The following PACS2 variants were observed in gnomAD, a reference collection of about 807,000 sequenced individuals.
PACS2 encodes phosphofurin acidic cluster sorting protein 2, also known as PACS1-like protein.
PACS2 carries 36 observed loss-of-function variants against 113.0 expected under a neutral mutation model. That is an observed-to-expected ratio of 0.32 (90% CI 0.24 to 0.42). The LOEUF is 0.42. PACS2 is among the 10% of genes least tolerant of loss of function. PACS2 has a pLI of 1.00. For missense variants in PACS2, 1,015 were observed against 1,239.5 expected, an observed-to-expected ratio of 0.82 and a Z score of 2.72; for synonymous variants, 589 against 536.1, an observed-to-expected ratio of 1.10 and a Z score of -1.36.
chr14:105,345,156 C>G (rs868953209), intron 1 of PACS2, among the ~76,000 whole-genome samples: 24 of 151,310 alleles, frequency 1.6e-4, no homozygotes, highest in African/African-American at 5.1e-4. Flanking sequence ...GCCTGTAATC[C>G]CAGCACTTTG....
chr14:105,393,654 A>G (rs146431380), intron 24 of PACS2: 2 of 229,164 alleles, frequency 8.7e-6, no homozygotes, highest in African/African-American at 4.9e-5. Flanking sequence ...CAATGGTGTG[A>G]TCTCAGCTCA....
rs1413626778 is a variant in PACS2, at chr14:105,330,708, TTTCTC to T, written c.119+15672_119+15676del. On this transcript the variant is annotated intron_variant, in intron 1 of 24. Transcript: ENST00000447393. The surrounding 1 kb of genome is among the most constrained non-coding windows in gnomAD (Gnocchi z 6.9). ...CCCAACACCCACGCATTTCCTGTCTTTTCTCAGGCAATCGCCATGGTACCCAGGGC... is the reference window on the plus strand; with the variant it reads ...CCCAACACCCACGCATTTCCTGTCTTAGGCAATCGCCATGGTACCCAGGGC... 2.0e-5 allele frequency among the ~76,000 whole-genome samples: 3 copies of T among 152,224 alleles called. No individual in the cohort carries two copies. Among genetic ancestry groups the T allele is most frequent in the African/African-American group, 4.8e-5 (2 of 41,440 alleles).
At chr14:105,379,410 G>A (rs938119315) in intron 9 of PACS2, among the ~76,000 whole-genome samples, 4 of 152,326 alleles carry the variant, frequency 2.6e-5, no homozygotes, top group South Asian at 2.1e-4. Context: ...GAGCCCCTTC[G>A]TGTTTGTGGC....
chr14:105,382,211 C>T (rs912019458), intron 13 of PACS2, among the ~76,000 whole-genome samples, 153 bp downstream of exon 13: 12 of 152,196 alleles, frequency 7.9e-5, no homozygotes, highest in South Asian at 2.1e-4. Flanking sequence ...CACAGCAGGG[C>T]GGGCGGGCCA....
intron 8 of PACS2, among the ~76,000 whole-genome samples, chr14:105,375,419 A>G (rs1319193327): frequency 2.0e-5 from 3 of 147,052 alleles, no homozygotes; most frequent in Non-Finnish European, 3.0e-5. Flanking sequence ...CGGAGCTTGC[A>G]GTGAGCCGAG....
At position 105,379,731 on chromosome 14, in the gene PACS2, T is replaced by A; in HGVS notation, c.960-8T>A. Reference sequence around the variant, plus strand: ...TAACGTGTCCCCCACCCCTGTTCCCTGAGCCAGGCCATACTTTGAAGGCCT... The same window carrying A: ...TAACGTGTCCCCCACCCCTGTTCCCAGAGCCAGGCCATACTTTGAAGGCCT... On this transcript the variant is annotated splice_region_variant and splice_polypyrimidine_tract_variant and intron_variant, in intron 9 of 24. Transcript: ENST00000447393. The A allele has an allele frequency of 6.2e-7, 1 of 1,612,686 alleles. No individual in the cohort carries two copies.
intron 8 of PACS2, chr14:105,372,019 C>T (rs1379645486): frequency 6.6e-6 from 1 of 152,258 alleles, no homozygotes; most frequent in Non-Finnish European, 1.5e-5. Flanking sequence ...AGAGGCCCCA[C>T]TTCCTAATTC....
chr14:105,335,379 C>T (rs944221612), intron 1 of PACS2, among the ~76,000 whole-genome samples: 5 of 146,480 alleles, frequency 3.4e-5, no homozygotes, highest in African/African-American at 1.3e-4. Flanking sequence ...CGGCGCCTGG[C>T]GTGGCTCTGA....
At chr14:105,380,406 C>G (rs587654861) in intron 11 of PACS2, among the ~76,000 whole-genome samples, 1 of 151,498 alleles carries the variant, frequency 6.6e-6, no homozygotes, top group South Asian at 2.1e-4. Context: ...GGACTCCCCC[C>G]ACCCGCAGGG....
intron 22 of PACS2, chr14:105,392,221 G>A (rs1167923614): frequency 2.7e-5 from 9 of 328,550 alleles, no homozygotes; most frequent in African/African-American, 1.1e-4. Flanking sequence ...GAGGCCAGGC[G>A]TGGTGCTGGT....
At position 105,389,974 on chromosome 14, in the gene PACS2, T is replaced by A. The variant is rs1555414465; in HGVS notation, c.2047T>A (p.Ser683Thr). ...FDFTLSPDEESSQKFIPFVGV... is the reference protein window; with the variant it reads ...FDFTLSPDEETSQKFIPFVGV... ...CCTTGCTCTTAGCCCTGACGAAGAG[T>A]CCTCCCAAAAGTTCATTCCCTTTGT... The change falls in exon 20 of 25, where the codon TCC (serine) becomes ACC (threonine). Residue 683 changes from serine (S) to threonine (T), a missense_variant. Ser to Thr is a moderately conservative substitution (Grantham distance 58, BLOSUM62 1). Transcript: ENST00000447393. The A allele has an allele frequency of 1.2e-6, 2 of 1,613,840 alleles. No homozygotes were observed. The highest frequency in any genetic ancestry group is 1.7e-6 in the Non-Finnish European group (2 of 1,179,874).
intron 4 of PACS2, among the ~76,000 whole-genome samples, chr14:105,364,900 G>A (rs1230529205): frequency 1.3e-5 from 2 of 152,054 alleles, no homozygotes; most frequent in Admixed American, 6.5e-5. Flanking sequence ...GTTTCGCCAT[G>A]TTGCCCAGGC....
chr14:105,319,490 C>G (rs1335428234), intron 1 of PACS2, among the ~76,000 whole-genome samples: 1 of 152,134 alleles, frequency 6.6e-6, no homozygotes, highest in African/African-American at 2.4e-5. Context: ...TAAAAGTCAG[C>G]TTTTTATTAT....
chr14:105,392,753 C>T lies in PACS2; in HGVS notation c.2390C>T (p.Ser797Phe). The T allele has an allele frequency of 6.2e-7, 1 of 1,612,504 alleles. No homozygotes were observed. Among genetic ancestry groups the T allele is most frequent in the African/African-American group, 1.3e-5 (1 of 75,050 alleles). ...AACACGCTCAAGTGCACTTTCCGGT[C>T]CCTCCAGGTCAGCAGGCTGCCCAGC... Reference protein sequence around the residue: ...TKNTLKCTFRSLQVSRLPSSG... With the variant: ...TKNTLKCTFRFLQVSRLPSSG... The change falls in exon 23 of 25, where the codon TCC becomes TTC. Residue 797 changes from serine to phenylalanine, a missense_variant. Ser to Phe is a radical substitution (Grantham distance 155). Around this residue, in one of 3 missense-constraint regions of PACS2, gnomAD observed 859 missense variants for 1,056.8 expected, o/e 0.81. Coordinates refer to ENST00000447393, the MANE Select transcript of PACS2 (RefSeq NM_001100913.3).
At chr14:105,392,045 C>T (rs1259336142) in intron 22 of PACS2, 5 of 483,372 alleles carry the variant, frequency 1.0e-5, no homozygotes, top group Admixed American at 4.0e-5. Flanking sequence ...ACAGTTGGGG[C>T]TTTTAAAAAA....
intron 7 of PACS2, 107 bp from the exon 8 acceptor site, chr14:105,369,734 T>C (rs1555408870): frequency 2.2e-6 from 2 of 919,358 alleles, no homozygotes; most frequent in Admixed American, 2.1e-5. Context: ...GAGGCCTTGC[T>C]GCTCTCCCAC....
chr14:105,385,448 G>A (rs931376371), intron 18 of PACS2, among the ~76,000 whole-genome samples: 4 of 152,144 alleles, frequency 2.6e-5, no homozygotes, highest in East Asian at 1.9e-4. Context: ...AAAGTCCTGC[G>A]GAGACCTGTC....
Position 105,379,797 on chromosome 14 carries a change from A to C in PACS2, c.1018A>C (p.Ser340Arg). The change falls in exon 10 of 25, where the codon AGC becomes CGC. Residue 340 changes from serine to arginine, a missense_variant. Ser to Arg is a moderately radical substitution (Grantham distance 110). Transcript: ENST00000447393. ...SSQTEIGSIH[S>R]ARSHKEPPSP... is the part of the protein sequence containing the mutation. Reference sequence around the variant, plus strand: ...GCAGACGGAGATTGGGAGCATCCACAGCGCCCGCAGCCACAAGGAGCCCCC... The same window carrying C: ...GCAGACGGAGATTGGGAGCATCCACCGCGCCCGCAGCCACAAGGAGCCCCC... The C allele has an allele frequency of 6.2e-7, 1 of 1,613,386 alleles. No individual in the cohort carries two copies. The highest frequency in any genetic ancestry group is 8.5e-7 in the Non-Finnish European group (1 of 1,179,994).
intron 7 of PACS2, 31 bp from the exon 8 acceptor site, chr14:105,369,810 C>A: frequency 6.5e-7 from 1 of 1,535,828 alleles, no homozygotes; most frequent in South Asian, 1.2e-5. Context: ...GCTCTGGCGG[C>A]GGCTCTGACT....
Sources: allele counts gnomAD v4.1 joint callset (sites outside exome capture counted in the v4.1 genomes callset), GRCh38; gene constraint gnomAD v4.1.1; regional missense constraint gnomAD v4.1.1; non-coding constraint Gnocchi (gnomAD v3.1); transcripts MANE v1.5; gene names NCBI Gene and HGNC (gene_info 2026-07-23, HGNC 2026-07-21).